Variants in PDCD6 observed in about 807,000 individuals in gnomAD.
PDCD6 encodes programmed cell death 6.
A neutral mutation model predicts 28.3 loss-of-function variants in PDCD6; 12 were observed. That is an observed-to-expected ratio of 0.42 (90% CI 0.27 to 0.69). The LOEUF (loss-of-function observed/expected upper bound fraction) is 0.69. Ranked by LOEUF, PDCD6 falls within the 30% of genes least tolerant of loss-of-function variation. The pLI, the probability that PDCD6 is intolerant of heterozygous loss-of-function variation, is 0.22. For synonymous variants in PDCD6, 92 were observed against 108.0 expected (o/e 0.85, Z 0.92); for missense variants, 226 against 269.9 (o/e 0.84, Z 1.14).
At chr5:282,540 G>T (rs1273075850) in intron 2 of PDCD6, among the ~76,000 whole-genome samples, 6 of 151,964 alleles carry the variant, frequency 3.9e-5, no homozygotes, top group Non-Finnish European at 8.8e-5. Flanking sequence ...TAACTTGAGG[G>T]TCATGCAGCT....
chr5:302,562 C>A (rs1382800078), intron 2 of PDCD6, among the ~76,000 whole-genome samples: 2 of 148,710 alleles, frequency 1.3e-5, no homozygotes, highest in Non-Finnish European at 3.0e-5. Context: ...AGCACAGCTT[C>A]CCTGCATAAC....
At chr5:283,178 G>T (rs1467821662) in intron 2 of PDCD6, among the ~76,000 whole-genome samples, 3 of 151,768 alleles carry the variant, frequency 2.0e-5, no homozygotes, top group Non-Finnish European at 4.4e-5. Flanking sequence ...ACCCATAGAG[G>T]AGCTGATGAT....
chr5:302,179 C>A (rs1419520242), intron 2 of PDCD6, among the ~76,000 whole-genome samples: 1 of 109,002 alleles, frequency 9.2e-6, no homozygotes, highest in Non-Finnish European at 1.8e-5. Context: ...GAGGGCGGGT[C>A]GTGGAGTGCT....
At chr5:306,522 G>C (rs1385376749) in intron 3 of PDCD6, 80 bp from the exon 4 acceptor site, 11 of 1,509,360 alleles carry the variant, frequency 7.3e-6, no homozygotes, top group Non-Finnish European at 1.0e-5. Flanking sequence ...CAGGCTCTGA[G>C]GGCTGAGGTC....
chr5:304,289 T>C (rs1740324933), intron 3 of PDCD6, 68 bp downstream of exon 3: 2 of 1,030,190 alleles, frequency 1.9e-6, no homozygotes, highest in Non-Finnish European at 2.8e-6. Flanking sequence ...CCGCTTGTGT[T>C]TCCTTTGTCT....
intron 2 of PDCD6, among the ~76,000 whole-genome samples, chr5:298,408 C>T (rs1490944811): frequency 5.9e-5 from 9 of 152,108 alleles, no homozygotes; most frequent in African/African-American, 1.9e-4. Flanking sequence ...TTTACAAGGA[C>T]ATGATGGGTT....
chr5:272,932 G>T, intron 2 of PDCD6, 160 bp downstream of exon 2: 1 of 1,332,148 alleles, frequency 7.5e-7, no homozygotes, highest in Non-Finnish European at 1.0e-6. Flanking sequence ...GGTTTATTTT[G>T]TGGCTACCGC....
intron 4 of PDCD6, 193 bp from the exon 5 acceptor site, chr5:311,100 C>T: frequency 1.8e-6 from 1 of 566,156 alleles, no homozygotes; most frequent in Non-Finnish European, 3.2e-6. Context: ...CTGGGGATGT[C>T]AGCTCATTAC....
Position 311,300 on chromosome 5 carries a change from G to A in PDCD6, c.375G>A (p.Arg125=). Residue 125 remains arginine, a synonymous_variant, in exon 5 of 6, where the codon CGG becomes CGA. Transcript: ENST00000264933. ...LKQALSGFGY[R]LSDQFHDILI... ...TGACTTTCCCTCTTGAAGGCTACCGGCTCTCTGACCAGTTCCACGACATCC... is the reference window on the plus strand; with the variant it reads ...TGACTTTCCCTCTTGAAGGCTACCGACTCTCTGACCAGTTCCACGACATCC... 2 of 1,613,794 alleles carry A rather than the reference G, an allele frequency of 1.2e-6. No homozygotes were observed. Among genetic ancestry groups the A allele is most frequent in the Non-Finnish European group, 1.7e-6 (2 of 1,179,736 alleles).
chr5:296,021 T>C (rs962971486), intron 2 of PDCD6, among the ~76,000 whole-genome samples: 1 of 152,106 alleles, frequency 6.6e-6, no homozygotes, highest in Non-Finnish European at 1.5e-5. Flanking sequence ...GTTTGGCGTC[T>C]TACTGTCCAG....
intron 4 of PDCD6, 109 bp from the exon 5 acceptor site, chr5:311,184 C>T (rs1740890007): frequency 1.3e-6 from 1 of 799,366 alleles, no homozygotes; most frequent in African/African-American, 1.7e-5. Context: ...CCCACACAGC[C>T]TTGCATTGTG....
At chr5:309,336 T>G (rs1740742597) in intron 4 of PDCD6, 1 of 155,642 alleles carries the variant, frequency 6.4e-6, no homozygotes, top group Non-Finnish European at 1.4e-5. Context: ...CTTCTGGATT[T>G]TGGCTTCTCA....
At chr5:283,558 G>A (rs762523898) in intron 2 of PDCD6, among the ~76,000 whole-genome samples, 3 of 152,348 alleles carry the variant, frequency 2.0e-5, no homozygotes, top group Non-Finnish European at 4.4e-5. Context: ...TCGGGGAGGA[G>A]CTGATGTTCT....
At chr5:289,308 A>AT (rs1739174972) in intron 2 of PDCD6, 1 of 537,546 alleles carries the variant, frequency 1.9e-6, no homozygotes, top group African/African-American at 1.9e-5. Context: ...CAATGTCGGC[A>AT]TTACAAGGAG....
chr5:303,130 G>A (rs1195312351), intron 2 of PDCD6, among the ~76,000 whole-genome samples: 3 of 152,090 alleles, frequency 2.0e-5, no homozygotes, highest in Non-Finnish European at 2.9e-5. Flanking sequence ...GTGAGAGCGG[G>A]CATGGCACTA....
rs530536637 is a variant in PDCD6, at chr5:272,524, G to A, written c.102-187G>A. On this transcript the variant is annotated intron_variant, in intron 1 of 5. Coordinates refer to ENST00000264933, the MANE Select transcript of PDCD6 (RefSeq NM_013232.4). ...AGGTGAAGATGATTGTCCTCTTAGGGGAAGACCACACTGGACGTCGGCTCC... is the reference window on the plus strand; with the variant it reads ...AGGTGAAGATGATTGTCCTCTTAGGAGAAGACCACACTGGACGTCGGCTCC... Among the ~76,000 whole-genome samples, 923 of 143,196 alleles carry A rather than the reference G, an allele frequency of 6.4e-3. 10 individuals carry two copies. Among genetic ancestry groups the A allele is most frequent in the Middle Eastern group, 0.024 (7 of 286 alleles). 93.9% of individuals were successfully genotyped at this position (143,196 alleles called of 152,430 possible).
Position 276,463 on chromosome 5 carries a change from CTTTAT to C in PDCD6, c.163+3696_163+3700del, listed in dbSNP as rs1561029517. On this transcript the variant is annotated intron_variant, in intron 2 of 5. Coordinates refer to ENST00000264933, the MANE Select transcript of PDCD6 (RefSeq NM_013232.4). ...CCTCTTCCTTCTTCTCTCTGAATTT[CTTTAT>C]TTTAAGAAAAAAATTAGAGATGGAG... The C allele has an allele frequency of 4.4e-5, 43 of 985,846 alleles. No individual in the cohort carries two copies. The South Asian group carries it at 1.4e-3, about 33-fold the overall frequency. 61.1% of individuals were successfully genotyped at this position (985,846 alleles called of 1,614,324 possible).
intron 5 of PDCD6, among the ~76,000 whole-genome samples, chr5:313,351 T>C (rs1350127182): frequency 2.0e-5 from 3 of 152,226 alleles, no homozygotes; most frequent in African/African-American, 7.2e-5. Flanking sequence ...GAAAGAAAAA[T>C]TACCCATTAC....
chr5:272,309 C>T (rs1579466617), intron 1 of PDCD6, among the ~76,000 whole-genome samples: 1 of 145,636 alleles, frequency 6.9e-6, no homozygotes, highest in Non-Finnish European at 1.5e-5. Context: ...GGCGTCTGCT[C>T]GGGCCAGGTG....
Sources: gnomAD v4.1 joint callset for allele counts (sites outside exome capture counted in the v4.1 genomes callset) on GRCh38, gnomAD v4.1.1 for gene constraint, MANE v1.5 for transcripts, NCBI Gene and HGNC (gene_info 2026-07-23, HGNC 2026-07-21) for gene names.